ZNF81: variants seen among roughly 807,000 people sequenced by gnomAD.
ZNF81 encodes zinc finger protein 81.
A neutral mutation model predicts 32.3 loss-of-function variants in ZNF81; 5 were observed. The observed-to-expected ratio is 0.15, with a 90% CI of 0.08 to 0.33. The LOEUF (loss-of-function observed/expected upper bound fraction) is 0.33. Ranked by LOEUF, ZNF81 falls within the 10% of genes least tolerant of loss-of-function variation. The pLI is 1.00. For missense variants in ZNF81, 379 were observed against 479.8 expected, an observed-to-expected ratio of 0.79 and a Z score of 1.96; for synonymous variants, 163 against 166.8, an observed-to-expected ratio of 0.98 and a Z score of 0.17.
At position 47,916,733 on chromosome X, in the gene ZNF81, A is replaced by G; in HGVS notation, c.*101A>G. The G allele has an allele frequency of 3.4e-6, 3 of 894,242 alleles. No individual in the cohort carries two copies. The highest frequency in any genetic ancestry group is 4.5e-6 in the Non-Finnish European group (3 of 664,619). 73.7% of individuals were successfully genotyped at this position (894,242 alleles called of 1,213,427 possible). On this transcript the variant is annotated 3_prime_UTR_variant, in exon 5 of 5. Transcript: ENST00000338637. ...CATCCAAGACAGATCCTATATGAAT[A>G]CATTGTATAAGGAAAAGCATCAGGC...
At chrX:47,894,062 A>G (rs1487571892) in intron 3 of ZNF81, among the ~76,000 whole-genome samples, 1 of 111,968 alleles carries the variant, frequency 8.9e-6, no homozygotes, top group African/African-American at 3.2e-5. Flanking sequence ...ATTCAGAACT[A>G]TTACAATAGG....
chrX:47,880,348 GA>G (rs1358651299), intron 2 of ZNF81, among the ~76,000 whole-genome samples: 1 of 111,909 alleles, frequency 8.9e-6, no homozygotes, highest in African/African-American at 3.3e-5. Flanking sequence ...AAGTAGCTGG[GA>G]CTACAGGTGT....
intron 2 of ZNF81, among the ~76,000 whole-genome samples, chrX:47,847,401 T>C (rs1393713898): frequency 8.9e-6 from 1 of 111,782 alleles, no homozygotes; most frequent in East Asian, 2.8e-4. Flanking sequence ...TATCCCCATG[T>C]CATAGAGGAG....
chrX:47,877,073 C>T (rs1343834919), intron 2 of ZNF81, among the ~76,000 whole-genome samples: 25 of 112,374 alleles, frequency 2.2e-4, no homozygotes, highest in Non-Finnish European at 1.9e-4. Context: ...GCCAGTGATA[C>T]ACTCAGCCAT....
chrX:47,858,791 T>C (rs782404560), intron 2 of ZNF81, among the ~76,000 whole-genome samples: 61 of 112,189 alleles, frequency 5.4e-4, no homozygotes, highest in South Asian at 1.5e-3. Context: ...TTGTTCTTTC[T>C]AATAATTTGA....
intron 1 of ZNF81, among the ~76,000 whole-genome samples, chrX:47,843,467 T>TCACACACACACACG (rs1569371669): frequency 2.0e-5 from 1 of 49,589 alleles, no homozygotes; most frequent in Admixed American, 2.3e-4. Context: ...ACACACACAT[T>TCACACACACACACG]CTTGACTCCT....
intron 1 of ZNF81, 50 bp from the exon 2 acceptor site, chrX:47,846,055 T>C: frequency 2.0e-6 from 1 of 499,491 alleles, no homozygotes; most frequent in Non-Finnish European, 3.6e-6. Context: ...AGGAGATGTC[T>C]GTGTAGTAAG....
At chrX:47,842,257 G>A (rs2058452654) in intron 1 of ZNF81, among the ~76,000 whole-genome samples, 1 of 111,646 alleles carries the variant, frequency 9.0e-6, no homozygotes, top group Non-Finnish European at 1.9e-5. Flanking sequence ...TTGAAAGGAA[G>A]GTGCATTCCA....
At chrX:47,877,113 G>T (rs1556884630) in intron 2 of ZNF81, among the ~76,000 whole-genome samples, 2 of 112,338 alleles carry the variant, frequency 1.8e-5, no homozygotes, top group African/African-American at 6.5e-5. Context: ...CACTGAATTG[G>T]CCCAAAGGGC....
In ZNF81 at chrX:47,915,135, A is replaced by T; in HGVS notation, c.489A>T (p.Thr163=). 3 of 1,202,035 alleles carry T rather than the reference A, an allele frequency of 2.5e-6. No individual in the cohort carries two copies. The highest frequency in any genetic ancestry group is 3.4e-6 in the Non-Finnish European group (3 of 892,190). ...TTFLNKKILN[T]EWDYEYKDFG... ...TCCTCAATAAGAAAATATTGAATAC[A>T]GAGTGGGATTATGAATATAAAGACT... The change falls in exon 5 of 5, where the codon ACA becomes ACT. Residue 163 remains threonine (T), a synonymous_variant. Coordinates refer to ENST00000338637, the MANE Select transcript of ZNF81 (RefSeq NM_007137.5).
chrX:47,870,873 T>G (rs2058577362), intron 2 of ZNF81, among the ~76,000 whole-genome samples: 1 of 112,143 alleles, frequency 8.9e-6, no homozygotes, highest in African/African-American at 3.2e-5. Context: ...AAATCCATCT[T>G]TTATGTAGCT....
intron 2 of ZNF81, among the ~76,000 whole-genome samples, chrX:47,857,278 A>T (rs782100709): frequency 5.3e-5 from 6 of 112,511 alleles, no homozygotes; most frequent in African/African-American, 9.7e-5. Context: ...AGAAAAAAAA[A>T]TTTTAAAACT....
intron 3 of ZNF81, among the ~76,000 whole-genome samples, chrX:47,892,859 T>A (rs1260220863): frequency 8.9e-6 from 1 of 112,503 alleles, no homozygotes; most frequent in African/African-American, 3.2e-5. Context: ...AGTCCAGTTA[T>A]ATGTCTAAAA....
chrX:47,862,754 G>C (rs1238933191), intron 2 of ZNF81, among the ~76,000 whole-genome samples: 2 of 111,287 alleles, frequency 1.8e-5, no homozygotes, highest in Non-Finnish European at 3.8e-5. Context: ...ACTGCAAAAG[G>C]AGAGTGCCTC....
rs1556890662 is a variant in ZNF81 at position 47,915,755 on chromosome X, T to A, written c.1109T>A (p.Val370Glu). The A allele has an allele frequency of 2.5e-6, 3 of 1,210,225 alleles. No individual in the cohort carries two copies. The change falls in exon 5 of 5, where the codon GTG becomes GAG. Residue 370 changes from valine to glutamate, a missense_variant. By Grantham distance (121) the Val-to-Glu change is moderately radical (BLOSUM62 -2). This residue lies in a region of ZNF81 where 277 missense variants were observed against 306.6 expected (regional missense o/e 0.90). Transcript: ENST00000338637. The part of the protein sequence containing the change: ...CNECGKSFFQ[V>E]SSLLRHQTTH... ...GAATGTGGGAAATCATTTTTCCAGG[T>A]GTCATCTCTACTCAGGCATCAGACA...
chrX:47,865,162 C>T lies in ZNF81; in HGVS notation c.54+18841C>T, dbSNP rs900958055. Among the ~76,000 whole-genome samples the T allele has an allele frequency of 1.4e-4, 16 of 111,825 alleles. No homozygotes were observed. The East Asian group carries it at 2.5e-3, about 18-fold the overall frequency. On this transcript the variant is annotated intron_variant, in intron 2 of 4. Transcript: ENST00000338637. ...TGGCAGAGTGAGAAATAAATTTACCCCCAAAGGGGTAGTTGTCCCATTTTC... is the reference window on the plus strand; with the variant it reads ...TGGCAGAGTGAGAAATAAATTTACCTCCAAAGGGGTAGTTGTCCCATTTTC...
At chrX:47,905,560 T>C (rs782400381) in intron 4 of ZNF81, among the ~76,000 whole-genome samples, 1 of 111,182 alleles carries the variant, frequency 9.0e-6, no homozygotes, top group Admixed American at 9.6e-5. Context: ...CAAAAACTAT[T>C]TTTCACCATG....
Position 47,915,853 on chromosome X carries a change from A to G in ZNF81, c.1207A>G (p.Ile403Val). 8.3e-7 allele frequency: 1 copy of G among 1,210,351 alleles called. No individual in the cohort carries two copies. Among genetic ancestry groups the G allele is most frequent in the Non-Finnish European group, 1.1e-6 (1 of 894,871 alleles). ...KGFSLNSALN[I>V]HQKIHTGERH... ...CTTCTCCCTGAACTCAGCCCTCAAT[A>G]TACATCAGAAAATTCACACTGGAGA... is the stretch of plus-strand genomic sequence containing the variant. The change falls in exon 5 of 5, where the codon ATA becomes GTA. Residue 403 changes from isoleucine (I) to valine (V), a missense_variant. Coordinates refer to ENST00000338637, the MANE Select transcript of ZNF81 (RefSeq NM_007137.5).
intron 1 of ZNF81, among the ~76,000 whole-genome samples, chrX:47,843,920 T>G (rs2058460873): frequency 8.9e-6 from 1 of 112,207 alleles, no homozygotes; most frequent in Non-Finnish European, 1.9e-5. Flanking sequence ...TTGGTTTTTG[T>G]TTTGCTTAAT....
Sources: allele counts gnomAD v4.1 joint callset (sites outside exome capture counted in the v4.1 genomes callset), GRCh38; gene constraint gnomAD v4.1.1; regional missense constraint gnomAD v4.1.1; transcripts MANE v1.5; gene names NCBI Gene and HGNC (gene_info 2026-07-23, HGNC 2026-07-21).